Variants in KANK1 observed in about 807,000 individuals in gnomAD.
The protein encoded by KANK1 is KN motif and ankyrin repeat domain-containing protein 1.
KANK1 carries 109 observed loss-of-function variants against 106.2 expected under a neutral mutation model. The ratio of observed to expected loss-of-function variants is 1.03; its 90% confidence interval spans 0.88 to 1.20. The LOEUF (loss-of-function observed/expected upper bound fraction) is 1.20. Among genes scored for constraint, KANK1 ranks in the 50% most tolerant of loss-of-function variants. The pLI, the probability that KANK1 is intolerant of heterozygous loss-of-function variation, is 0.00. For synonymous variants in KANK1, 873 were observed against 652.2 expected, an observed-to-expected ratio of 1.34 and a Z score of -5.16; for missense variants, 2,399 against 1,710.7, an observed-to-expected ratio of 1.40 and a Z score of -7.10.
intron 1 of KANK1, chr9:558,794 A>G (rs1342370199): frequency 1.3e-5 from 2 of 151,844 alleles, no homozygotes; most frequent in Non-Finnish European, 2.9e-5. Context: ...AGCTGGGTAC[A>G]TGTATGTGGA....
intron 1 of KANK1, among the ~76,000 whole-genome samples, chr9:514,511 C>T (rs1017131768): frequency 6.6e-6 from 1 of 150,758 alleles, no homozygotes; most frequent in South Asian, 2.1e-4. Flanking sequence ...CTTCTAATAT[C>T]ATAGATCAAT....
chr9:578,142 C>G (rs1019988839), intron 1 of KANK1, among the ~76,000 whole-genome samples: 1 of 152,100 alleles, frequency 6.6e-6, no homozygotes, highest in Non-Finnish European at 1.5e-5. Context: ...CAGAACTGAG[C>G]CAAATGAGGA....
At chr9:554,114 C>T (rs964081508) in intron 1 of KANK1, among the ~76,000 whole-genome samples, 2 of 152,182 alleles carry the variant, frequency 1.3e-5, no homozygotes, top group African/African-American at 4.8e-5. Flanking sequence ...GGAATTGGCT[C>T]ATGTGATTAC....
chr9:606,651 A>G (rs1351521675), intron 1 of KANK1, among the ~76,000 whole-genome samples: 1 of 150,344 alleles, frequency 6.7e-6, no homozygotes, highest in Admixed American at 6.6e-5. Flanking sequence ...ACATATATAT[A>G]TATGTTTAGA....
chr9:630,568 G>A (rs925079689), intron 1 of KANK1, among the ~76,000 whole-genome samples: 6 of 151,852 alleles, frequency 4.0e-5, no homozygotes, highest in African/African-American at 1.5e-4. Context: ...GTAATAACCT[G>A]AAGAGTAGCT....
intron 1 of KANK1, among the ~76,000 whole-genome samples, chr9:668,535 T>G (rs1251233272): frequency 1.3e-5 from 2 of 152,208 alleles, no homozygotes; most frequent in East Asian, 3.8e-4. Flanking sequence ...TCTGGTTGTT[T>G]TGTAACTCTT....
chr9:592,342 G>A (rs1825133089), intron 1 of KANK1, among the ~76,000 whole-genome samples: 1 of 151,780 alleles, frequency 6.6e-6, no homozygotes, highest in Admixed American at 6.5e-5. Context: ...CGGGAAGCCG[G>A]GGGAGGGGGA....
chr9:744,138 T>C (rs1044199301), intron 10 of KANK1, among the ~76,000 whole-genome samples: 1 of 152,158 alleles, frequency 6.6e-6, no homozygotes, highest in Non-Finnish European at 1.5e-5. Flanking sequence ...CTTTGGCAAA[T>C]TGCAGAGTCT....
At chr9:582,346 C>T (rs1464789124) in intron 1 of KANK1, among the ~76,000 whole-genome samples, 4 of 152,122 alleles carry the variant, frequency 2.6e-5, no homozygotes, top group Non-Finnish European at 5.9e-5. Context: ...CCTGTTATTC[C>T]GTAAGAGTAG....
intron 3 of KANK1, among the ~76,000 whole-genome samples, chr9:724,154 A>G (rs1830085584): frequency 1.3e-5 from 2 of 152,304 alleles, no homozygotes; most frequent in African/African-American, 4.8e-5. Flanking sequence ...TGTGATAATC[A>G]TACTTATCTT....
chr9:703,040 G>A (rs1012147457), intron 2 of KANK1, among the ~76,000 whole-genome samples: 7 of 152,088 alleles, frequency 4.6e-5, no homozygotes, highest in East Asian at 1.9e-4. Flanking sequence ...TGCCCAGGCT[G>A]GAATGCGGTG....
At chr9:557,787 T>G (rs1365758084) in intron 1 of KANK1, among the ~76,000 whole-genome samples, 1 of 152,128 alleles carries the variant, frequency 6.6e-6, no homozygotes, top group African/African-American at 2.4e-5. Flanking sequence ...CCCAGCACTT[T>G]GGGAGGCTGA....
chr9:575,275 G>A (rs533550546), intron 1 of KANK1, among the ~76,000 whole-genome samples: 98 of 152,324 alleles, frequency 6.4e-4, no homozygotes, highest in African/African-American at 2.3e-3. Flanking sequence ...TAAAGTTAAA[G>A]CACAGAGAAA....
upstream of KANK1, among the ~76,000 whole-genome samples, chr9:501,499 C>G (rs558091377): frequency 2.0e-5 from 3 of 152,150 alleles, no homozygotes; most frequent in South Asian, 6.2e-4. Context: ...TATGTATTGA[C>G]TAAAAATAAT....
At chr9:646,107 G>T (rs1166850186) in intron 1 of KANK1, among the ~76,000 whole-genome samples, 4 of 150,802 alleles carry the variant, frequency 2.7e-5, no homozygotes, top group African/African-American at 7.5e-5. Context: ...CTCTAAGTTT[G>T]TTTAGGATAC....
chr9:520,701 C>A (rs368932723), intron 1 of KANK1, among the ~76,000 whole-genome samples: 1 of 151,746 alleles, frequency 6.6e-6, no homozygotes, highest in Non-Finnish European at 1.5e-5. Context: ...GATTATGCCT[C>A]AGAAATCTGC....
intron 1 of KANK1, among the ~76,000 whole-genome samples, chr9:537,890 C>T (rs1324704080): frequency 2.6e-5 from 4 of 152,220 alleles, no homozygotes; most frequent in South Asian, 2.1e-4. Context: ...TACTTATTTT[C>T]GTGTGTCTTA....
At chr9:547,586 G>A (rs1166091773) in intron 1 of KANK1, among the ~76,000 whole-genome samples, 2 of 151,474 alleles carry the variant, frequency 1.3e-5, no homozygotes, top group Admixed American at 1.3e-4. Context: ...CTTGGTTGTG[G>A]GCACATTCCC....
At chr9:583,499 C>T (rs571975141) in intron 1 of KANK1, among the ~76,000 whole-genome samples, 24 of 151,968 alleles carry the variant, frequency 1.6e-4, no homozygotes, top group Non-Finnish European at 3.1e-4. Flanking sequence ...GCTGGGGAAA[C>T]GAATTGTAAT....
Sources: allele counts gnomAD v4.1 joint callset (sites outside exome capture counted in the v4.1 genomes callset), GRCh38; gene constraint gnomAD v4.1.1; transcripts MANE v1.5; gene names NCBI Gene and HGNC (gene_info 2026-07-23, HGNC 2026-07-21).